SLAIN2: variants seen among roughly 807,000 people sequenced by gnomAD.
The protein encoded by SLAIN2 is SLAIN family member 2.
Under a neutral mutation model 56.6 loss-of-function variants are expected in SLAIN2, and 31 were observed. The observed-to-expected ratio is 0.55, with a 90% CI of 0.41 to 0.74. The LOEUF is 0.74. SLAIN2 is among the 30% of genes least tolerant of loss of function. The probability of loss-of-function intolerance (pLI) is 0.00; values close to 1 mark genes in which losing one functional copy is unlikely to be tolerated. For missense variants in SLAIN2, 777 were observed against 754.2 expected (o/e 1.03, Z -0.35); for synonymous variants, 317 against 284.9 (o/e 1.11, Z -1.13).
At chr4:48,344,514 A>G (rs1263763457) in intron 1 of SLAIN2, among the ~76,000 whole-genome samples, 1 of 152,156 alleles carries the variant, frequency 6.6e-6, no homozygotes, top group African/African-American at 2.4e-5. Flanking sequence ...ATGTGGGAAA[A>G]ACTGGGTTCA....
intron 6 of SLAIN2, among the ~76,000 whole-genome samples, chr4:48,386,022 T>A (rs1485581133): frequency 6.7e-6 from 1 of 149,836 alleles, no homozygotes; most frequent in Admixed American, 6.7e-5. Context: ...GTGGGAGGAT[T>A]GCTTGAGCCC....
At chr4:48,366,264 G>GT (rs1715516666) in intron 1 of SLAIN2, among the ~76,000 whole-genome samples, 1 of 152,202 alleles carries the variant, frequency 6.6e-6, no homozygotes, top group South Asian at 2.1e-4. Context: ...TCCATGTGCA[G>GT]TTAAAAAGAG....
intron 2 of SLAIN2, among the ~76,000 whole-genome samples, chr4:48,375,023 T>G (rs1425290780): frequency 6.6e-6 from 1 of 152,140 alleles, no homozygotes. Flanking sequence ...GAGGAAAACT[T>G]AAGACTAGAA....
chr4:48,355,395 AT>A (rs1305070697), intron 1 of SLAIN2, among the ~76,000 whole-genome samples: 1 of 152,226 alleles, frequency 6.6e-6, no homozygotes, highest in African/African-American at 2.4e-5. Context: ...AATTGGGTAT[AT>A]ACGCAGAATC....
chr4:48,398,459 G>A (rs955204335), intron 6 of SLAIN2, among the ~76,000 whole-genome samples: 5 of 152,130 alleles, frequency 3.3e-5, no homozygotes, highest in Admixed American at 6.5e-5. Context: ...TGTTCACTCC[G>A]ATGATAGTTT....
chr4:48,342,250 A>T (rs1277418112), intron 1 of SLAIN2, 122 bp downstream of exon 1: 7 of 1,222,388 alleles, frequency 5.7e-6, no homozygotes, highest in Non-Finnish European at 5.3e-6. Context: ...TCCTGTGGCG[A>T]CTTGTGGTTT....
intron 6 of SLAIN2, among the ~76,000 whole-genome samples, chr4:48,391,371 TATTAA>T (rs1324120016): frequency 6.6e-6 from 1 of 152,210 alleles, no homozygotes; most frequent in African/African-American, 2.4e-5. Flanking sequence ...GTGCGGTATT[TATTAA>T]AGTATAAGTC....
rs78144984 is a variant in SLAIN2, at chr4:48,396,958, G to A, written c.1360+13174G>A. ...ACTAAAGTCAAAAAAGGATGGACAC[G>A]TTCTTCTTTGCATTTTCTTTTTGCA... On this transcript the variant is annotated intron_variant, in intron 6 of 7. Transcript: ENST00000264313. 5.8e-3 allele frequency among the ~76,000 whole-genome samples: 882 copies of A among 152,234 alleles called. 9 individuals carry two copies. The highest frequency in any genetic ancestry group is 0.02 in the African/African-American group (840 of 41,540).
At position 48,356,162 on chromosome 4, in the gene SLAIN2, T is replaced by C. The variant is rs557439552; in HGVS notation, c.390-13687T>C. Among the ~76,000 whole-genome samples the C allele has an allele frequency of 1.8e-3, 270 of 152,362 alleles. 1 individual carries two copies. The highest frequency in any genetic ancestry group is 2.7e-3 in the Non-Finnish European group (187 of 68,024). Reference sequence around the variant, plus strand: ...AAGAATATATCATTTGCTGAAAATATGACGTTTTAGCCAGGAACTAACATG... The same window carrying C: ...AAGAATATATCATTTGCTGAAAATACGACGTTTTAGCCAGGAACTAACATG... On this transcript the variant is annotated intron_variant, in intron 1 of 7. Coordinates refer to ENST00000264313, the MANE Select transcript of SLAIN2 (RefSeq NM_020846.2).
chr4:48,366,339 T>C (rs1411073722), intron 1 of SLAIN2, among the ~76,000 whole-genome samples: 2 of 152,248 alleles, frequency 1.3e-5, no homozygotes, highest in Non-Finnish European at 2.9e-5. Context: ...GTTGATAATG[T>C]TGCTGAAGTC....
chr4:48,422,144 T>A lies in SLAIN2; in HGVS notation c.*67T>A. 1 of 1,223,812 alleles carries A rather than the reference T, an allele frequency of 8.2e-7. No homozygotes were observed. The highest frequency in any genetic ancestry group is 1.2e-6 in the Non-Finnish European group (1 of 844,460). The allele number at this position is 1,223,812 out of a possible 1,614,324, so 75.8% of individuals were successfully genotyped here. A position where few individuals can be genotyped will look rare whatever the true frequency, so the allele number is the denominator to read the frequency against. ...ACCCTTCACCAGGCTAAAAAACAAC[T>A]TTTATATGCAGACTGTTCAGATAAG... On this transcript the variant is annotated 3_prime_UTR_variant, in exon 8 of 8. Coordinates refer to ENST00000264313, the MANE Select transcript of SLAIN2 (RefSeq NM_020846.2).
chr4:48,366,177 C>T (rs907537768), intron 1 of SLAIN2, among the ~76,000 whole-genome samples: 31 of 152,206 alleles, frequency 2.0e-4, no homozygotes, highest in African/African-American at 7.5e-4. Context: ...AGAAACCATA[C>T]ATTAAATAAT....
Position 48,369,860 on chromosome 4 carries a change from C to G in SLAIN2, c.401C>G (p.Ser134Ter). ...EEEEESWLYS[S>*]PKKKLTPMQK... is the part of the protein sequence containing the mutation. ...TTGTCTTCTTCTAGGCTGTATTCAT[C>G]ACCAAAGAAAAAACTTACACCAATG... is the stretch of plus-strand genomic sequence containing the variant. The change falls in exon 2 of 8, where the codon TCA becomes TGA. Residue 134 changes from serine (S) to a stop codon, truncating the protein, a stop_gained. Transcript: ENST00000264313. LOFTEE classifies it high-confidence loss of function. The G allele has an allele frequency of 6.2e-7, 1 of 1,613,014 alleles. No individual in the cohort carries two copies. The highest frequency in any genetic ancestry group is 8.5e-7 in the Non-Finnish European group (1 of 1,179,474).
intron 6 of SLAIN2, among the ~76,000 whole-genome samples, chr4:48,411,903 A>G (rs982218615): frequency 1.3e-5 from 2 of 152,064 alleles, no homozygotes; most frequent in African/African-American, 4.8e-5. Flanking sequence ...ACCCACTTGT[A>G]TTTTGGGCCT....
intron 2 of SLAIN2, among the ~76,000 whole-genome samples, chr4:48,377,447 G>A (rs6847014): frequency 0.03 from 4,594 of 151,130 alleles, 75 homozygotes; most frequent in Admixed American, 0.046. Flanking sequence ...CCAAAGTGCT[G>A]GGATTACAGG....
chr4:48,342,624 G>A (rs1167006315), intron 1 of SLAIN2, among the ~76,000 whole-genome samples: 1 of 151,760 alleles, frequency 6.6e-6, no homozygotes. Flanking sequence ...TTCTGGCGGG[G>A]ATGGGGAGAC....
At chr4:48,393,386 TTGTGTGTGTG>T (rs57142552) in intron 6 of SLAIN2, among the ~76,000 whole-genome samples, 32 of 135,446 alleles carry the variant, frequency 2.4e-4, no homozygotes, top group South Asian at 5.2e-4. Flanking sequence ...CATGTCTGGC[TTGTGTGTGTG>T]TGTGTGTGTG....
At position 48,424,423 on chromosome 4, in the gene SLAIN2, T is replaced by C. The variant is rs1717246704; in HGVS notation, c.*2346T>C. 6.6e-6 allele frequency: 1 copy of C among 152,154 alleles called. No homozygotes were observed. The highest frequency in any genetic ancestry group is 6.5e-5 in the Admixed American group (1 of 15,268). The allele number at this position is 152,154 out of a possible 1,614,324, so 9.4% of individuals were successfully genotyped here. A position where few individuals can be genotyped will look rare whatever the true frequency, so the allele number is the denominator to read the frequency against. On this transcript the variant is annotated 3_prime_UTR_variant, in exon 8 of 8. Transcript: ENST00000264313. ...GTTTGATATATAGTAGTAAGGGTTT[T>C]ATGAATGTTGATTATTTTGTGCCAA...
rs188673594 is a variant in SLAIN2, at chr4:48,388,812, C to T, written c.1360+5028C>T. Among the ~76,000 whole-genome samples, 325 of 152,266 alleles carry T rather than the reference C, an allele frequency of 2.1e-3. 1 individual carries two copies. Among genetic ancestry groups the T allele is most frequent in the African/African-American group, 4.7e-3 (195 of 41,544 alleles). ...TAAGTATTTTGTGAATTACCACAGA[C>T]GAGTAAAATAATTTAGTGAGATATT... On this transcript the variant is annotated intron_variant, in intron 6 of 7. Coordinates refer to ENST00000264313, the MANE Select transcript of SLAIN2 (RefSeq NM_020846.2).
Sources: allele counts gnomAD v4.1 joint callset (sites outside exome capture counted in the v4.1 genomes callset), GRCh38; gene constraint gnomAD v4.1.1; transcripts MANE v1.5; gene names NCBI Gene and HGNC (gene_info 2026-07-23, HGNC 2026-07-21).